The following QTRT1 variants were observed in gnomAD, a reference collection of about 807,000 sequenced individuals.
QTRT1 encodes the protein queuine tRNA-ribosyltransferase catalytic subunit 1.
Under a neutral mutation model 44.0 loss-of-function variants are expected in QTRT1, and 41 were observed. The observed-to-expected ratio is 0.93, with a 90% CI of 0.73 to 1.21. The LOEUF (loss-of-function observed/expected upper bound fraction) is 1.21, where lower values mean the gene tolerates loss of function less well. QTRT1 is among the 50% of genes most tolerant of loss of function. The probability of loss-of-function intolerance (pLI) is 0.00; values close to 1 mark genes in which losing one functional copy is unlikely to be tolerated. For missense variants in QTRT1, 542 were observed against 575.8 expected, an observed-to-expected ratio of 0.94 and a Z score of 0.60; for synonymous variants, 226 against 237.1, an observed-to-expected ratio of 0.95 and a Z score of 0.43.
rs568334935 is a variant in QTRT1 at position 10,713,031 on chromosome 19, C to A, written c.1050C>A (p.Ile350=). 1 of 1,611,056 alleles carries A rather than the reference C, an allele frequency of 6.2e-7. No homozygotes were observed. The highest frequency in any genetic ancestry group is 1.7e-5 in the Admixed American group (1 of 59,994). ...AALHHLTVHN[I]AYQLQLMSAV... ...TGCACCACCTCACGGTCCACAACAT[C>A]GCCTACCAGGTGAGCCAGTGCCCGG... The change falls in exon 9 of 10, where the codon ATC becomes ATA. Residue 350 remains isoleucine (I), a synonymous_variant. Coordinates refer to ENST00000250237, the MANE Select transcript of QTRT1 (RefSeq NM_031209.3). The surrounding 1 kb of genome is among the most constrained non-coding windows in gnomAD (Gnocchi z 4.3).
intron 3 of QTRT1, among the ~76,000 whole-genome samples, chr19:10,705,032 C>T (rs2068706930): frequency 6.6e-6 from 1 of 151,070 alleles, no homozygotes; most frequent in African/African-American, 2.4e-5. Context: ...TCTCCTGCCT[C>T]AGCCTCCCCA....
chr19:10,712,410 C>A lies in QTRT1; in HGVS notation c.785+111C>A. On this transcript the variant is annotated intron_variant, in intron 6 of 9. Coordinates refer to ENST00000250237, the MANE Select transcript of QTRT1 (RefSeq NM_031209.3). This position sits in a 1 kb window ranked among gnomAD's most constrained non-coding sequence, Gnocchi z 5.6. The stretch of plus-strand genomic sequence containing the variant: ...TGGGGGAAACGGACACAGGTCTGAT[C>A]TGAGGAGACTAGGAAGACATGGCTG... 2.0e-6 allele frequency: 3 copies of A among 1,469,376 alleles called. No homozygotes were observed. Among genetic ancestry groups the A allele is most frequent in the South Asian group, 1.2e-5 (1 of 82,084 alleles). 91.0% of individuals were successfully genotyped at this position (1,469,376 alleles called of 1,614,324 possible). A position where few individuals can be genotyped will look rare whatever the true frequency, so the allele number is the denominator to read the frequency against.
At position 10,712,037 on chromosome 19, in the gene QTRT1, G is replaced by T; in HGVS notation, c.647-124G>T. On this transcript the variant is annotated intron_variant, in intron 5 of 9. Coordinates refer to ENST00000250237, the MANE Select transcript of QTRT1 (RefSeq NM_031209.3). This position sits in a 1 kb window ranked among gnomAD's most constrained non-coding sequence, Gnocchi z 5.6. ...TCTCCGTCTCTGGCTCTGTCTGTCT[G>T]TCTCTGTCTGTTTCTCTGACTCTCT... The T allele has an allele frequency of 8.1e-7, 1 of 1,229,856 alleles. No individual in the cohort carries two copies. Among genetic ancestry groups the T allele is most frequent in the South Asian group, 1.2e-5 (1 of 81,316 alleles). 76.2% of individuals were successfully genotyped at this position (1,229,856 alleles called of 1,614,324 possible).
rs147936975 is a variant in QTRT1 at position 10,707,545 on chromosome 19, G to A, written c.576G>A (p.Pro192=). The change falls in exon 5 of 10, where the codon CCG becomes CCA. Residue 192 remains proline, a synonymous_variant. Transcript: ENST00000250237. ...GGTGCATTGCAGCCCATCAGCGGCC[G>A]GACAAGCAGAACCTCTTCGCCATTA... ...LDRCIAAHQR[P]DKQNLFAIIQ... 148 of 1,613,040 alleles carry A rather than the reference G, an allele frequency of 9.2e-5. No individual in the cohort carries two copies. The African/African-American group carries it at 1.6e-3, about 18-fold the overall frequency.
intron 3 of QTRT1, among the ~76,000 whole-genome samples, chr19:10,702,759 CTTTTTTTTTTTTTT>C (rs34948949): frequency 0.034 from 2,342 of 68,848 alleles, 91 homozygotes; most frequent in African/African-American, 0.12. Flanking sequence ...CAATATCCTT[CTTTTTTTTTTTTTT>C]TTTTTTTTTT....
intron 3 of QTRT1, among the ~76,000 whole-genome samples, chr19:10,706,514 A>G (rs947978396): frequency 6.6e-6 from 1 of 151,822 alleles, no homozygotes; most frequent in African/African-American, 2.4e-5. Context: ...CTGGGATTAC[A>G]GGAATATACC....
rs780575417 is a variant in QTRT1 at position 10,712,850 on chromosome 19, C to A, written c.954C>A (p.Thr318=). 6 of 1,613,822 alleles carry A rather than the reference C, an allele frequency of 3.7e-6. No homozygotes were observed. The highest frequency in any genetic ancestry group is 5.1e-6 in the Non-Finnish European group (6 of 1,179,988). The change falls in exon 8 of 10, where the codon ACC becomes ACA. Residue 318 remains threonine (T), a synonymous_variant. Transcript: ENST00000250237. This position sits in a 1 kb window ranked among gnomAD's most constrained non-coding sequence, Gnocchi z 5.6. The part of the protein sequence containing the change: ...KDFGPIDPEC[T]CPTCQKHSRA... ...TCGGCCCCATAGACCCGGAGTGCAC[C>A]TGCCCCACGTGCCAAAAGTAGGCAG...
At chr19:10,711,378 G>A (rs918970987) in intron 5 of QTRT1, 3 of 151,938 alleles carry the variant, frequency 2.0e-5, no homozygotes, top group African/African-American at 4.8e-5. Flanking sequence ...TAACCACGTT[G>A]GTTAGCCTGC....
chr19:10,705,840 C>CT (rs71164114), intron 3 of QTRT1, among the ~76,000 whole-genome samples: 6,041 of 37,624 alleles, frequency 0.16, 1,950 homozygotes, highest in Non-Finnish European at 0.22. Context: ...CTGGCCTGTT[C>CT]TTTTTTTTTT....
At chr19:10,701,726 G>T in intron 1 of QTRT1, 23 bp downstream of exon 1, 1 of 1,564,852 alleles carries the variant, frequency 6.4e-7, no homozygotes, top group South Asian at 1.2e-5. Flanking sequence ...TGCCCGCGCG[G>T]GGAGGCGGCG....
chr19:10,712,914 G>C lies in QTRT1; in HGVS notation c.972-39G>C. On this transcript the variant is annotated intron_variant, in intron 8 of 9. Coordinates refer to ENST00000250237, the MANE Select transcript of QTRT1 (RefSeq NM_031209.3). The surrounding 1 kb of genome is among the most constrained non-coding windows in gnomAD (Gnocchi z 5.6). ...GCTGGGGCAGGGCATGGAGGGGACA[G>C]GGCCTGGCCGTGCTGAGCTGTCCCC... 6.2e-7 allele frequency: 1 copy of C among 1,612,848 alleles called. No homozygotes were observed. Among genetic ancestry groups the C allele is most frequent in the Non-Finnish European group, 8.5e-7 (1 of 1,179,458 alleles).
chr19:10,702,840 G>T (rs2068696583), intron 3 of QTRT1, among the ~76,000 whole-genome samples: 1 of 133,226 alleles, frequency 7.5e-6, no homozygotes, highest in Non-Finnish European at 1.5e-5. Flanking sequence ...TGCGATCTGA[G>T]CTCACTGCAA....
rs1454778718 is a variant in QTRT1, at chr19:10,712,252, C to T, written c.738C>T (p.Ser246=). 1 of 1,614,028 alleles carries T rather than the reference C, an allele frequency of 6.2e-7. No individual in the cohort carries two copies. Among genetic ancestry groups the T allele is most frequent in the Non-Finnish European group, 8.5e-7 (1 of 1,179,994 alleles). Residue 246 remains serine (S), a synonymous_variant, in exon 6 of 10, where the codon AGC becomes AGT. Coordinates refer to ENST00000250237, the MANE Select transcript of QTRT1 (RefSeq NM_031209.3). The surrounding 1 kb of genome is among the most constrained non-coding windows in gnomAD (Gnocchi z 5.6). ...AGTTCTGGCGGATGGTGGCGCTGAG[C>T]ACCTCTCGGCTGCCGAAGGACAAGC... ...KSQFWRMVAL[S]TSRLPKDKPR...
intron 4 of QTRT1, 43 bp from the exon 5 acceptor site, chr19:10,707,457 C>A: frequency 1.2e-6 from 2 of 1,608,736 alleles, no homozygotes; most frequent in Non-Finnish European, 1.7e-6. Context: ...TCTCCTACCC[C>A]CTCACCAGGC....
Position 10,712,113 on chromosome 19 carries a change from C to G in QTRT1, c.647-48C>G. 6.2e-7 allele frequency: 1 copy of G among 1,608,310 alleles called. No individual in the cohort carries two copies. The highest frequency in any genetic ancestry group is 8.5e-7 in the Non-Finnish European group (1 of 1,179,502). ...CAGGGTGTGTTCTGGGATTGAAGAC[C>G]AGGCGCATTTCCTCTTCTGTGGCCC... is the stretch of plus-strand genomic sequence containing the variant. On this transcript the variant is annotated intron_variant, in intron 5 of 9. Coordinates refer to ENST00000250237, the MANE Select transcript of QTRT1 (RefSeq NM_031209.3). This position sits in a 1 kb window ranked among gnomAD's most constrained non-coding sequence, Gnocchi z 5.6.
chr19:10,712,495 G>A lies in QTRT1; in HGVS notation c.786-58G>A. On this transcript the variant is annotated intron_variant, in intron 6 of 9. Transcript: ENST00000250237. The surrounding 1 kb of genome is among the most constrained non-coding windows in gnomAD (Gnocchi z 5.6). ...GTCTGGGGCAGTGTGAGGGTTGGGA[G>A]GGGCCCTGGGAAGCCCCTGAGGTTC... 3.3e-6 allele frequency: 5 copies of A among 1,534,708 alleles called. No homozygotes were observed. Among genetic ancestry groups the A allele is most frequent in the South Asian group, 2.2e-5 (2 of 89,452 alleles).
At position 10,712,426 on chromosome 19, in the gene QTRT1, G is replaced by A; in HGVS notation, c.785+127G>A. 6.9e-7 allele frequency: 1 copy of A among 1,451,712 alleles called. No homozygotes were observed. The highest frequency in any genetic ancestry group is 9.6e-7 in the Non-Finnish European group (1 of 1,046,938). The allele number at this position is 1,451,712 out of a possible 1,614,324, so 89.9% of individuals were successfully genotyped here. ...AGGTCTGATCTGAGGAGACTAGGAAGACATGGCTGTCCCTTGGGGGCCATT... is the reference window on the plus strand; with the variant it reads ...AGGTCTGATCTGAGGAGACTAGGAAAACATGGCTGTCCCTTGGGGGCCATT... On this transcript the variant is annotated intron_variant, in intron 6 of 9. Transcript: ENST00000250237. This position sits in a 1 kb window ranked among gnomAD's most constrained non-coding sequence, Gnocchi z 5.6.
intron 5 of QTRT1, 32 bp downstream of exon 5, chr19:10,707,647 G>C (rs760862131): frequency 3.9e-6 from 6 of 1,522,090 alleles, no homozygotes; most frequent in Non-Finnish European, 4.5e-6. Flanking sequence ...CCCAGGGCTT[G>C]GCCATCGCGG....
chr19:10,712,829 C>T lies in QTRT1; in HGVS notation c.933C>T (p.Gly311=), dbSNP rs1034632048. 2 of 1,613,934 alleles carry T rather than the reference C, an allele frequency of 1.2e-6. No homozygotes were observed. The highest frequency in any genetic ancestry group is 1.7e-6 in the Non-Finnish European group (2 of 1,179,976). Residue 311 remains glycine (G), a synonymous_variant, in exon 8 of 10, where the codon GGC becomes GGT. Transcript: ENST00000250237. The surrounding 1 kb of genome is among the most constrained non-coding windows in gnomAD (Gnocchi z 5.6). ...LRKKVFEKDF[G]PIDPECTCPT... ...AGAAGGTGTTTGAGAAGGACTTCGG[C>T]CCCATAGACCCGGAGTGCACCTGCC...
Sources: gnomAD v4.1 joint callset for allele counts (sites outside exome capture counted in the v4.1 genomes callset) on GRCh38, gnomAD v4.1.1 for gene constraint, Gnocchi (gnomAD v3.1) non-coding constraint, MANE v1.5 for transcripts, NCBI Gene and HGNC (gene_info 2026-07-23, HGNC 2026-07-21) for gene names.